Variants in PLEKHA7 observed in about 807,000 individuals in gnomAD.
The protein encoded by PLEKHA7 is pleckstrin homology domain containing A7, also known as pleckstrin homology domain-containing family A member 7.
In PLEKHA7, 104 loss-of-function variants were observed where a neutral mutation model predicts 170.0. The ratio of observed to expected loss-of-function variants is 0.61; its 90% CI spans 0.52 to 0.72. The LOEUF (loss-of-function observed/expected upper bound fraction) is 0.72. PLEKHA7 is among the 30% of genes least tolerant of loss of function. PLEKHA7 has a pLI of 0.00. For synonymous variants in PLEKHA7, 648 were observed against 660.8 expected (o/e 0.98, Z 0.30); for missense variants, 1,615 against 1,671.7 (o/e 0.97, Z 0.59).
At position 16,982,241 on chromosome 11, in the gene PLEKHA7, A is replaced by G. The variant is rs1014502311; in HGVS notation, c.221+31748T>C. Reference sequence around the variant, plus strand: ...CCCCTTTACAAAAGCTTTATGCCCAAAGAATTTGGCCAAGGGCAAATGCAG... The same window carrying G: ...CCCCTTTACAAAAGCTTTATGCCCAGAGAATTTGGCCAAGGGCAAATGCAG... On this transcript the variant is annotated intron_variant, in intron 3 of 26. Transcript: ENST00000531066. Among the ~76,000 whole-genome samples the G allele has an allele frequency of 4.6e-5, 7 of 152,272 alleles. No individual in the cohort carries two copies. The South Asian group carries it at 6.2e-4, about 13-fold the overall frequency.
chr11:16,843,667 CAG>C (rs901157316), intron 8 of PLEKHA7, among the ~76,000 whole-genome samples: 4 of 152,206 alleles, frequency 2.6e-5, no homozygotes, highest in Non-Finnish European at 5.9e-5. Flanking sequence ...AGGCCAGGCA[CAG>C]GGGCTCACAC....
At chr11:16,959,071 G>A (rs1236706727) in intron 3 of PLEKHA7, among the ~76,000 whole-genome samples, 3 of 152,090 alleles carry the variant, frequency 2.0e-5, no homozygotes, top group African/African-American at 4.8e-5. Flanking sequence ...CTGTTGTTTC[G>A]TTTTTTGTTT....
intron 3 of PLEKHA7, among the ~76,000 whole-genome samples, chr11:17,003,817 G>C (rs137924921): frequency 1.3e-5 from 2 of 152,316 alleles, no homozygotes; most frequent in African/African-American, 4.8e-5. Context: ...CTGCTGCCCA[G>C]GCCAGTATCC....
intron 3 of PLEKHA7, among the ~76,000 whole-genome samples, chr11:16,950,589 C>G (rs1006991525): frequency 6.6e-6 from 1 of 151,452 alleles, no homozygotes. Flanking sequence ...CTTCCACAAT[C>G]TAATGCTCAA....
Position 16,777,910 on chromosome 11 carries a change from T to C in PLEKHA7, c.*1088A>G, listed in dbSNP as rs1848775280. 2 of 152,016 alleles carry C rather than the reference T, an allele frequency of 1.3e-5. No individual in the cohort carries two copies. Among genetic ancestry groups the C allele is most frequent in the African/African-American group, 2.4e-5 (1 of 41,386 alleles). 9.4% of individuals were successfully genotyped at this position (152,016 alleles called of 1,614,324 possible). ...TAGGTAGATGTCACCCAGTGTGGAGTTTATTGCTACGATACAATGAAAGTT... is the reference window on the plus strand; with the variant it reads ...TAGGTAGATGTCACCCAGTGTGGAGCTTATTGCTACGATACAATGAAAGTT... On this transcript the variant is annotated 3_prime_UTR_variant, in exon 27 of 27. Coordinates refer to ENST00000531066, the MANE Select transcript of PLEKHA7 (RefSeq NM_001329630.2).
intron 12 of PLEKHA7, among the ~76,000 whole-genome samples, chr11:16,813,935 G>C (rs1462022807): frequency 6.6e-6 from 1 of 152,246 alleles, no homozygotes; most frequent in Non-Finnish European, 1.5e-5. Flanking sequence ...CTAACTGTGA[G>C]GCAGAGGAGC....
At chr11:16,971,831 TC>T (rs1179802905) in intron 3 of PLEKHA7, among the ~76,000 whole-genome samples, 1 of 152,156 alleles carries the variant, frequency 6.6e-6, no homozygotes, top group African/African-American at 2.4e-5. Context: ...GGTTTTTTTT[TC>T]TTTTTTATTG....
chr11:16,995,045 C>T (rs1864257848), intron 3 of PLEKHA7, among the ~76,000 whole-genome samples: 1 of 152,226 alleles, frequency 6.6e-6, no homozygotes, highest in South Asian at 2.1e-4. Context: ...AAATATCCTA[C>T]ACACAGTAGT....
At chr11:16,807,368 A>C in intron 13 of PLEKHA7, 1 of 175,674 alleles carries the variant, frequency 5.7e-6, no homozygotes, top group Non-Finnish European at 1.1e-5. Context: ...CCAGGCCTGA[A>C]TCTTGGTGAT....
Position 16,791,465 on chromosome 11 carries a change from AG to A in PLEKHA7, c.2746-267del, listed in dbSNP as rs1847851409. 2 of 611,786 alleles carry A rather than the reference AG, an allele frequency of 3.3e-6. No individual in the cohort carries two copies. The highest frequency in any genetic ancestry group is 3.0e-6 in the Non-Finnish European group (1 of 331,640). The allele number at this position is 611,786 out of a possible 1,614,324, so 37.9% of individuals were successfully genotyped here. ...AACTGTGTCCTGAAACCCAGGACTCAGGTCTCCTGGGTCCATGCCCTCGGTG... is the reference window on the plus strand; with the variant it reads ...AACTGTGTCCTGAAACCCAGGACTCAGTCTCCTGGGTCCATGCCCTCGGTG... On this transcript the variant is annotated intron_variant, in intron 19 of 26. Transcript: ENST00000531066. This position sits in a 1 kb window ranked among gnomAD's most constrained non-coding sequence, Gnocchi z 4.5.
intron 3 of PLEKHA7, among the ~76,000 whole-genome samples, chr11:16,907,132 C>T (rs1475843072): frequency 5.6e-4 from 58 of 102,848 alleles, no homozygotes; most frequent in South Asian, 1.9e-3. Flanking sequence ...GCCCCCCGCC[C>T]GGCCAGCCGC....
intron 3 of PLEKHA7, among the ~76,000 whole-genome samples, chr11:16,979,815 C>T (rs1457034068): frequency 6.6e-6 from 1 of 152,154 alleles, no homozygotes; most frequent in African/African-American, 2.4e-5. Flanking sequence ...TATTTCTCCT[C>T]ATTTGGCTAT....
chr11:16,892,178 CTG>C (rs1856663007), intron 3 of PLEKHA7, among the ~76,000 whole-genome samples: 1 of 152,092 alleles, frequency 6.6e-6, no homozygotes, highest in Admixed American at 6.6e-5. Context: ...CTCACGAGCT[CTG>C]TGAATCTATG....
intron 3 of PLEKHA7, among the ~76,000 whole-genome samples, chr11:16,874,239 G>A (rs907560473): frequency 6.6e-6 from 1 of 152,188 alleles, no homozygotes. Flanking sequence ...AGGTGCAGTG[G>A]CTCACACCTG....
intron 23 of PLEKHA7, 75 bp from the exon 24 acceptor site, chr11:16,786,462 T>C (rs1849402859): frequency 1.3e-6 from 2 of 1,523,498 alleles, no homozygotes; most frequent in African/African-American, 1.4e-5. Flanking sequence ...CCTTTTTCCA[T>C]GGGGTCCTTT....
chr11:16,801,582 C>A (rs904726345), intron 16 of PLEKHA7, 86 bp downstream of exon 16: 2 of 1,531,414 alleles, frequency 1.3e-6, no homozygotes, highest in East Asian at 2.3e-5. Flanking sequence ...CTCTGGACAC[C>A]AACTCAACTA....
intron 3 of PLEKHA7, among the ~76,000 whole-genome samples, chr11:16,906,934 GC>G (rs1371666245): frequency 2.7e-5 from 4 of 148,280 alleles, no homozygotes; most frequent in Non-Finnish European, 5.9e-5. Context: ...CCTCTGCCCT[GC>G]CGCCCCGTCT....
Position 16,922,782 on chromosome 11 carries a change from A to G in PLEKHA7, c.222-51600T>C, listed in dbSNP as rs762633408. The stretch of plus-strand genomic sequence containing the variant: ...GGAACTCAGTAACCACCATCAACCA[A>G]GTACCTCTTTTAAGAGGGAAGAGAG... On this transcript the variant is annotated intron_variant, in intron 3 of 26. Transcript: ENST00000531066. Among the ~76,000 whole-genome samples the G allele has an allele frequency of 7.2e-5, 11 of 152,286 alleles. No individual in the cohort carries two copies. In the South Asian group the frequency reaches 2.3e-3, roughly 32 times the overall value.
At chr11:16,865,450 C>G (rs958461189) in intron 4 of PLEKHA7, among the ~76,000 whole-genome samples, 1 of 152,204 alleles carries the variant, frequency 6.6e-6, no homozygotes, top group East Asian at 1.9e-4. Context: ...CTAGGCCAGG[C>G]GGGTGGCTCA....
Sources: allele counts gnomAD v4.1 joint callset (sites outside exome capture counted in the v4.1 genomes callset), GRCh38; gene constraint gnomAD v4.1.1; non-coding constraint Gnocchi (gnomAD v3.1); transcripts MANE v1.5; gene names NCBI Gene and HGNC (gene_info 2026-07-23, HGNC 2026-07-21).